Variants in DDHD1 observed in about 807,000 individuals in gnomAD.
DDHD1 encodes phospholipase DDHD1.
Under a neutral mutation model 96.4 loss-of-function variants are expected in DDHD1, and 49 were observed. That is an observed-to-expected ratio of 0.51 (90% CI 0.40 to 0.64). The LOEUF is 0.64. DDHD1 is among the 30% of genes least tolerant of loss of function. The pLI is 0.00. For missense variants in DDHD1, 1,106 were observed against 1,161.2 expected (o/e 0.95, Z 0.69); for synonymous variants, 442 against 446.5 (o/e 0.99, Z 0.13).
intron 4 of DDHD1, among the ~76,000 whole-genome samples, chr14:53,080,081 T>C (rs997675599): frequency 6.6e-6 from 1 of 152,192 alleles, no homozygotes; most frequent in Non-Finnish European, 1.5e-5. Context: ...TGACATCTGT[T>C]TGGGTGCATT....
intron 6 of DDHD1, among the ~76,000 whole-genome samples, chr14:53,072,345 T>C (rs1339869118): frequency 6.6e-6 from 1 of 152,074 alleles, no homozygotes; most frequent in Non-Finnish European, 1.5e-5. Flanking sequence ...TATAATTAAT[T>C]AGATTTATGA....
chr14:53,113,680 G>C (rs570422288), intron 1 of DDHD1, among the ~76,000 whole-genome samples: 17 of 152,140 alleles, frequency 1.1e-4, no homozygotes, highest in Non-Finnish European at 2.1e-4. Flanking sequence ...AGCCATGAGG[G>C]ACTGTGCTAC....
At chr14:53,123,333 A>G (rs1379079684) in intron 1 of DDHD1, among the ~76,000 whole-genome samples, 4 of 151,848 alleles carry the variant, frequency 2.6e-5, no homozygotes, top group African/African-American at 7.3e-5. Flanking sequence ...TTTTTAGTAG[A>G]GACAGGGTTT....
At chr14:53,128,766 C>G (rs1791596212) in intron 1 of DDHD1, among the ~76,000 whole-genome samples, 1 of 152,188 alleles carries the variant, frequency 6.6e-6, no homozygotes, top group Non-Finnish European at 1.5e-5. Context: ...TGAGCCCAAG[C>G]TGAGCCATCA....
chr14:53,150,281 C>T (rs1891254305), intron 1 of DDHD1, among the ~76,000 whole-genome samples: 1 of 152,184 alleles, frequency 6.6e-6, no homozygotes, highest in Non-Finnish European at 1.5e-5. Context: ...CTTAAATTTT[C>T]TGGGACGCTT....
chr14:53,057,239 T>G (rs193092578), intron 9 of DDHD1, among the ~76,000 whole-genome samples: 15 of 152,334 alleles, frequency 9.8e-5, no homozygotes, highest in African/African-American at 3.4e-4. Context: ...CTTTCCACAA[T>G]TATATGAAGC....
At chr14:53,100,059 G>GA (rs1011959392) in intron 2 of DDHD1, among the ~76,000 whole-genome samples, 23 of 151,262 alleles carry the variant, frequency 1.5e-4, no homozygotes, top group Non-Finnish European at 1.9e-4. Context: ...AATATGTGGG[G>GA]AAAAAAACAA....
At chr14:53,145,025 C>T (rs946417635) in intron 1 of DDHD1, among the ~76,000 whole-genome samples, 14 of 152,092 alleles carry the variant, frequency 9.2e-5, no homozygotes, top group African/African-American at 3.1e-4. Context: ...TGGCGCTGGC[C>T]TGTGATCCCA....
In DDHD1 at chr14:53,118,056, C is replaced by T. The variant is rs563496450; in HGVS notation, c.839-14200G>A. Among the ~76,000 whole-genome samples the T allele has an allele frequency of 2.6e-5, 4 of 152,320 alleles. No individual in the cohort carries two copies. In the East Asian group the frequency reaches 7.7e-4, roughly 29 times the overall value. ...GGACCTCCAGCAAACTCCAACAGAC[C>T]TGCAGCTGAGGGACCTGACTGTCAG... On this transcript the variant is annotated intron_variant, in intron 1 of 12. Transcript: ENST00000673822.
At position 53,153,067 on chromosome 14, in the gene DDHD1, C is replaced by A. The variant is rs1891585267; in HGVS notation, c.32G>T (p.Ser11Ile). The A allele has an allele frequency of 6.8e-7, 1 of 1,467,412 alleles. No homozygotes were observed. The highest frequency in any genetic ancestry group is 8.9e-7 in the Non-Finnish European group (1 of 1,119,402). The allele number at this position is 1,467,412 out of a possible 1,614,324, so 90.9% of individuals were successfully genotyped here. The stretch of plus-strand genomic sequence containing the variant: ...GCCGCCTCGGCCGTTATGCTCGGGG[C>A]TCCGTGGGGACCCGCGGCCCGGGTA... MNYPGRGSPR[S>I]PEHNGRGGGG... Residue 11 changes from serine (S) to isoleucine (I), a missense_variant, in exon 1 of 13, where the codon AGC becomes ATC. Around this residue, in one of 2 missense-constraint regions of DDHD1, gnomAD observed 456 missense variants for 402.4 expected, o/e 1.13. Coordinates refer to ENST00000673822, the MANE Select transcript of DDHD1 (RefSeq NM_001160148.2).
chr14:53,059,249 T>A (rs900770826), intron 8 of DDHD1, among the ~76,000 whole-genome samples: 1 of 152,034 alleles, frequency 6.6e-6, no homozygotes, highest in East Asian at 1.9e-4. Context: ...ATTTCATTTA[T>A]TTATTTATTT....
intron 10 of DDHD1, among the ~76,000 whole-genome samples, chr14:53,055,453 T>C (rs1307174206): frequency 1.3e-5 from 2 of 152,218 alleles, no homozygotes; most frequent in Non-Finnish European, 2.9e-5. Flanking sequence ...TCCAGCTATC[T>C]TATATTCTAA....
intron 12 of DDHD1, among the ~76,000 whole-genome samples, chr14:53,049,621 G>A (rs1882353442): frequency 7.1e-6 from 1 of 140,014 alleles, no homozygotes; most frequent in African/African-American, 2.7e-5. Context: ...CATTCAGGTT[G>A]GTAGTTTTTC....
At chr14:53,072,337 T>C (rs1350878165) in intron 6 of DDHD1, among the ~76,000 whole-genome samples, 1 of 152,072 alleles carries the variant, frequency 6.6e-6, no homozygotes, top group African/African-American at 2.4e-5. Flanking sequence ...ATCATAGATA[T>C]AATTAATTAG....
At chr14:53,057,929 A>G (rs1396866938) in intron 9 of DDHD1, among the ~76,000 whole-genome samples, 1 of 152,212 alleles carries the variant, frequency 6.6e-6, no homozygotes, top group Non-Finnish European at 1.5e-5. Context: ...GGCTAACCGC[A>G]ACCTCTGCCT....
chr14:53,069,702 T>C (rs1252243098), intron 6 of DDHD1, among the ~76,000 whole-genome samples: 4 of 152,178 alleles, frequency 2.6e-5, no homozygotes, highest in African/African-American at 7.2e-5. Flanking sequence ...ACAACACACA[T>C]GCATATTTTA....
chr14:53,141,977 A>G (rs548431521), intron 1 of DDHD1, among the ~76,000 whole-genome samples: 1 of 152,148 alleles, frequency 6.6e-6, no homozygotes, highest in African/African-American at 2.4e-5. Context: ...GAGCAAATAT[A>G]CCAGCCTGGC....
intron 2 of DDHD1, among the ~76,000 whole-genome samples, chr14:53,097,165 C>T (rs1475405315): frequency 6.6e-6 from 1 of 151,926 alleles, no homozygotes; most frequent in Non-Finnish European, 1.5e-5. Context: ...TTCATCCTCA[C>T]TCCCTTCTAT....
rs944598175 is a variant in DDHD1, at chr14:53,139,168, C to T, written c.838+13093G>A. Among the ~76,000 whole-genome samples the T allele has an allele frequency of 2.0e-5, 3 of 151,674 alleles. No homozygotes were observed. In the East Asian group the frequency reaches 5.8e-4, roughly 29 times the overall value. On this transcript the variant is annotated intron_variant, in intron 1 of 12. Transcript: ENST00000673822. Reference sequence around the variant, plus strand: ...GCAGGAAATTGTCCTGGGCCTAGAACATTCATGGCTGGGGTCCGGCAGAAT... The same window carrying T: ...GCAGGAAATTGTCCTGGGCCTAGAATATTCATGGCTGGGGTCCGGCAGAAT...
Sources: gnomAD v4.1 joint callset for allele counts (sites outside exome capture counted in the v4.1 genomes callset) on GRCh38, gnomAD v4.1.1 for gene constraint, gnomAD v4.1.1 regional missense constraint, MANE v1.5 for transcripts, NCBI Gene and HGNC (gene_info 2026-07-23, HGNC 2026-07-21) for gene names.